The following B3GALT1 variants were observed in gnomAD, a reference collection of about 807,000 sequenced individuals.
B3GALT1 encodes UDP-Gal:betaGlcNAc beta 1,3-galactosyltransferase, polypeptide 1.
B3GALT1 carries 10 observed loss-of-function variants against 23.2 expected under a neutral mutation model. The observed-to-expected ratio is 0.43, with a 90% CI of 0.27 to 0.73. The LOEUF (loss-of-function observed/expected upper bound fraction) is 0.73. B3GALT1 is among the 30% of genes least tolerant of loss of function. B3GALT1 has a pLI of 0.21. For synonymous variants in B3GALT1, 156 were observed against 141.5 expected (o/e 1.10, Z -0.73); for missense variants, 299 against 405.4 (o/e 0.74, Z 2.25).
intron 1 of B3GALT1, among the ~76,000 whole-genome samples, chr2:167,363,275 G>A (rs1697527468): frequency 6.6e-6 from 1 of 151,690 alleles, no homozygotes; most frequent in African/African-American, 2.4e-5. Context: ...TGTCAGCTGG[G>A]CCCTTAATAT....
chr2:167,556,796 C>T (rs1206694042), intron 2 of B3GALT1, among the ~76,000 whole-genome samples: 2 of 152,148 alleles, frequency 1.3e-5, no homozygotes, highest in Non-Finnish European at 2.9e-5. Flanking sequence ...ACACTATTCT[C>T]ATTTAAGAAA....
chr2:167,349,079 T>C (rs1697268305), intron 1 of B3GALT1, among the ~76,000 whole-genome samples: 1 of 152,234 alleles, frequency 6.6e-6, no homozygotes, highest in African/African-American at 2.4e-5. Context: ...AATAGGTAAC[T>C]GTATACAGTA....
At chr2:167,366,222 A>AT (rs1697582014) in intron 1 of B3GALT1, among the ~76,000 whole-genome samples, 1 of 152,216 alleles carries the variant, frequency 6.6e-6, no homozygotes, top group Non-Finnish European at 1.5e-5. Context: ...CCAACTTAAA[A>AT]TTATATAGAA....
At chr2:167,731,973 T>A (rs1172180666) in intron 3 of B3GALT1, among the ~76,000 whole-genome samples, 1 of 152,228 alleles carries the variant, frequency 6.6e-6, no homozygotes, top group Non-Finnish European at 1.5e-5. Flanking sequence ...CTTATGACGA[T>A]TTGGTGAAAC....
intron 2 of B3GALT1, among the ~76,000 whole-genome samples, chr2:167,576,101 C>CT (rs1175493289): frequency 6.6e-6 from 1 of 151,758 alleles, no homozygotes; most frequent in Non-Finnish European, 1.5e-5. Context: ...GCCCAGGACT[C>CT]TGATTTTTGT....
intron 1 of B3GALT1, among the ~76,000 whole-genome samples, chr2:167,385,263 C>A (rs1029129338): frequency 6.6e-6 from 1 of 152,136 alleles, no homozygotes; most frequent in African/African-American, 2.4e-5. Context: ...TTCCAACTCT[C>A]TTTTAACATT....
intron 1 of B3GALT1, among the ~76,000 whole-genome samples, chr2:167,391,665 T>G (rs1698015695): frequency 6.6e-6 from 1 of 152,174 alleles, no homozygotes; most frequent in Non-Finnish European, 1.5e-5. Flanking sequence ...TGTACAAGCA[T>G]TCTCCTCTCA....
chr2:167,385,584 G>T (rs1268683970), intron 1 of B3GALT1, among the ~76,000 whole-genome samples: 1 of 66,578 alleles, frequency 1.5e-5, no homozygotes, highest in African/African-American at 3.1e-5. Flanking sequence ...TAGGAACAAA[G>T]ACTAGCTTTC....
At chr2:167,402,970 C>T (rs1698216430) in intron 1 of B3GALT1, among the ~76,000 whole-genome samples, 1 of 152,004 alleles carries the variant, frequency 6.6e-6, no homozygotes, top group Admixed American at 6.6e-5. Flanking sequence ...TCCCCCACCC[C>T]CGATTGCATT....
intron 2 of B3GALT1, among the ~76,000 whole-genome samples, chr2:167,522,253 C>A (rs1410243784): frequency 6.6e-6 from 1 of 151,804 alleles, no homozygotes; most frequent in Non-Finnish European, 1.5e-5. Flanking sequence ...TTTGAAAATT[C>A]TGTTAGGATT....
chr2:167,754,974 CCTT>C (rs1331773636), intron 3 of B3GALT1, among the ~76,000 whole-genome samples: 2 of 152,170 alleles, frequency 1.3e-5, no homozygotes, highest in African/African-American at 4.8e-5. Context: ...TGCATTCAAG[CCTT>C]CTCTTTTGAT....
chr2:167,567,981 A>G (rs945112357), intron 2 of B3GALT1, among the ~76,000 whole-genome samples: 4 of 152,102 alleles, frequency 2.6e-5, no homozygotes, highest in Middle Eastern at 3.2e-3. Flanking sequence ...GGAATCATAC[A>G]GTATGTAGCA....
intron 1 of B3GALT1, among the ~76,000 whole-genome samples, chr2:167,455,746 C>T (rs765424083): frequency 3.9e-5 from 6 of 152,196 alleles, no homozygotes; most frequent in Non-Finnish European, 7.3e-5. Context: ...CTCCTGACCT[C>T]AGGCTATCCG....
intron 1 of B3GALT1, among the ~76,000 whole-genome samples, chr2:167,370,253 G>GAA (rs1241445923): frequency 1.3e-5 from 2 of 152,116 alleles, no homozygotes; most frequent in Non-Finnish European, 2.9e-5. Context: ...AGCCAACATT[G>GAA]TGTCCATTGA....
intron 3 of B3GALT1, among the ~76,000 whole-genome samples, chr2:167,724,427 A>C (rs555830073): frequency 1.3e-5 from 2 of 152,334 alleles, no homozygotes; most frequent in South Asian, 4.1e-4. Flanking sequence ...CCTTTAAGCT[A>C]TTATTAAAGG....
intron 2 of B3GALT1, among the ~76,000 whole-genome samples, chr2:167,628,774 CT>C (rs1301604642): frequency 6.6e-6 from 1 of 151,670 alleles, no homozygotes; most frequent in Non-Finnish European, 1.5e-5. Context: ...AGCTGTCAGG[CT>C]TCCATCTTCA....
intron 1 of B3GALT1, among the ~76,000 whole-genome samples, chr2:167,398,829 A>T (rs760015760): frequency 3.2e-4 from 49 of 152,136 alleles, no homozygotes; most frequent in Non-Finnish European, 5.7e-4. Context: ...AGGGAAACTT[A>T]GTTCTCATCC....
chr2:167,691,870 A>C (rs937731773), intron 3 of B3GALT1, among the ~76,000 whole-genome samples: 2 of 152,306 alleles, frequency 1.3e-5, no homozygotes, highest in African/African-American at 4.8e-5. Flanking sequence ...TGCATATATA[A>C]GTAAATAAGT....
intron 2 of B3GALT1, among the ~76,000 whole-genome samples, chr2:167,563,999 G>T (rs1231236306): frequency 6.8e-6 from 1 of 147,344 alleles, no homozygotes; most frequent in Non-Finnish European, 1.5e-5. Flanking sequence ...CCGGACGGGG[G>T]GCCGACCCTC....
Sources: gnomAD v4.1 joint callset for allele counts (sites outside exome capture counted in the v4.1 genomes callset) on GRCh38, gnomAD v4.1.1 for gene constraint, MANE v1.5 for transcripts, NCBI Gene and HGNC (gene_info 2026-07-23, HGNC 2026-07-21) for gene names.